Variants in TSHR observed in about 807,000 individuals in gnomAD.
TSHR encodes the protein thyrotropin receptor.
Under a neutral mutation model 64.1 loss-of-function variants are expected in TSHR, and 51 were observed. That is an observed-to-expected ratio of 0.80 (90% CI 0.64 to 1.01). TSHR has a LOEUF of 1.01. Among genes scored for constraint, TSHR ranks in the 50% least tolerant of loss-of-function variants. The probability of loss-of-function intolerance (pLI) is 0.00; values close to 1 mark genes in which losing one functional copy is unlikely to be tolerated. For missense variants in TSHR, 877 were observed against 942.8 expected (o/e 0.93, Z 0.91); for synonymous variants, 361 against 361.9 (o/e 1.00, Z 0.03).
intron 1 of TSHR, chr14:80,993,393 GA>G (rs1888845665): frequency 1.3e-5 from 2 of 151,970 alleles, no homozygotes; most frequent in Non-Finnish European, 2.9e-5. Context: ...TGATACTAGG[GA>G]AAATAATAAT....
At chr14:81,129,809 C>T (rs1891163935) in intron 8 of TSHR, among the ~76,000 whole-genome samples, 1 of 152,182 alleles carries the variant, frequency 6.6e-6, no homozygotes, top group East Asian at 1.9e-4. Context: ...AAGGCTGGCC[C>T]CTTCACCGGG....
intron 1 of TSHR, among the ~76,000 whole-genome samples, chr14:80,957,351 CTTG>C (rs1363407216): frequency 6.6e-6 from 1 of 151,916 alleles, no homozygotes; most frequent in Non-Finnish European, 1.5e-5. Flanking sequence ...TTTCTTGTAA[CTTG>C]TTATTTATTT....
Position 81,144,290 on chromosome 14 carries a change from C to T in TSHR, c.2232C>T (p.Asn744=). 7 of 1,614,140 alleles carry T rather than the reference C, an allele frequency of 4.3e-6. No homozygotes were observed. Among genetic ancestry groups the T allele is most frequent in the East Asian group, 2.2e-5 (1 of 44,886 alleles). Reference sequence around the variant, plus strand: ...AAGATGTCTATGAACTGATTGAAAACTCCCATCTAACCCCAAAGAAGCAAG... The same window carrying T: ...AAGATGTCTATGAACTGATTGAAAATTCCCATCTAACCCCAAAGAAGCAAG... ...NMEDVYELIE[N]SHLTPKKQGQ... Residue 744 remains asparagine, a synonymous_variant, in exon 10 of 10, where the codon AAC becomes AAT. Coordinates refer to ENST00000298171, the MANE Select transcript of TSHR (RefSeq NM_000369.5).
chr14:81,005,921 T>C (rs896636662), intron 1 of TSHR, among the ~76,000 whole-genome samples: 3 of 152,216 alleles, frequency 2.0e-5, no homozygotes, highest in African/African-American at 7.2e-5. Context: ...ATTCCACTGA[T>C]ATGATACTAA....
chr14:81,077,136 T>C (rs1887563006), intron 3 of TSHR, among the ~76,000 whole-genome samples: 1 of 152,146 alleles, frequency 6.6e-6, no homozygotes, highest in African/African-American at 2.4e-5. Context: ...CTAAGTTAGA[T>C]CCCCATTTGA....
At chr14:81,074,063 GT>G (rs945647514) in intron 3 of TSHR, among the ~76,000 whole-genome samples, 5 of 152,042 alleles carry the variant, frequency 3.3e-5, no homozygotes, top group African/African-American at 1.2e-4. Context: ...TTATTTATAA[GT>G]TTTTTTAAGT....
At chr14:81,109,037 T>G (rs1890101948) in intron 8 of TSHR, 1 of 1,168,526 alleles carries the variant, frequency 8.6e-7, no homozygotes, top group African/African-American at 1.6e-5. Context: ...AGCCTCTGTA[T>G]CATTGCCACC....
chr14:81,064,578 T>C (rs1425703098), intron 2 of TSHR, among the ~76,000 whole-genome samples: 4 of 152,106 alleles, frequency 2.6e-5, no homozygotes, highest in Admixed American at 2.0e-4. Flanking sequence ...CAAAGATCCA[T>C]GTCCCCATGG....
At chr14:81,063,353 A>G (rs924751245) in intron 2 of TSHR, among the ~76,000 whole-genome samples, 1 of 151,462 alleles carries the variant, frequency 6.6e-6, no homozygotes, top group African/African-American at 2.4e-5. Context: ...TCTATACCCC[A>G]CTCTCCTTGA....
intron 1 of TSHR, among the ~76,000 whole-genome samples, chr14:80,966,913 A>C (rs878903319): frequency 6.6e-6 from 1 of 151,966 alleles, no homozygotes; most frequent in Non-Finnish European, 1.5e-5. Context: ...AGCCAAGCTC[A>C]CCTCTCTTGT....
intron 1 of TSHR, among the ~76,000 whole-genome samples, chr14:81,026,790 C>T (rs1393595080): frequency 6.6e-6 from 1 of 152,158 alleles, no homozygotes; most frequent in Non-Finnish European, 1.5e-5. Flanking sequence ...AATCCCAGCA[C>T]TTTGGAAGGT....
intron 1 of TSHR, chr14:81,001,750 A>G: frequency 2.6e-6 from 1 of 383,246 alleles, no homozygotes; most frequent in Non-Finnish European, 5.2e-6. Flanking sequence ...GAAATTCTTG[A>G]TTTGCCTGAT....
chr14:81,135,892 G>A (rs1566831704), intron 8 of TSHR, among the ~76,000 whole-genome samples: 1 of 152,184 alleles, frequency 6.6e-6, no homozygotes. Context: ...AAAGAAAAAA[G>A]GCAGTTGTTC....
intron 1 of TSHR, chr14:80,993,742 GC>G (rs941713568): frequency 3.3e-5 from 5 of 151,926 alleles, no homozygotes; most frequent in African/African-American, 1.2e-4. Flanking sequence ...CTTAACATCT[GC>G]CTCAAATACC....
chr14:81,042,924 G>A (rs112350178), intron 1 of TSHR, among the ~76,000 whole-genome samples: 9 of 152,056 alleles, frequency 5.9e-5, no homozygotes, highest in African/African-American at 2.2e-4. Flanking sequence ...CAATTATAAT[G>A]TGTCAGTAAA....
rs79622548 is a variant in TSHR, at chr14:81,112,266, A to C, written c.692+3814A>C. Among the ~76,000 whole-genome samples, 292 of 152,238 alleles carry C rather than the reference A, an allele frequency of 1.9e-3. 5 individuals carry two copies. In the East Asian group the frequency reaches 0.049, roughly 26 times the overall value. On this transcript the variant is annotated intron_variant, in intron 8 of 9. Coordinates refer to ENST00000298171, the MANE Select transcript of TSHR (RefSeq NM_000369.5). ...AAAGGAACTAAATATATCCTCAATA[A>C]TGTTAGACATTATTATGATTATTTT... is the stretch of plus-strand genomic sequence containing the variant.
chr14:81,048,200 T>C (rs560394477), intron 1 of TSHR, among the ~76,000 whole-genome samples: 16 of 152,268 alleles, frequency 1.1e-4, no homozygotes, highest in Admixed American at 5.9e-4. Context: ...ACTAAAGCTG[T>C]AATATCCTTT....
At chr14:81,077,840 G>T (rs1887610569) in intron 3 of TSHR, among the ~76,000 whole-genome samples, 1 of 151,750 alleles carries the variant, frequency 6.6e-6, no homozygotes, top group Admixed American at 6.6e-5. Flanking sequence ...TGGCTTTTTA[G>T]TCCTTTGCAA....
In TSHR at chr14:81,144,057, T is replaced by C. The variant is rs766640344; in HGVS notation, c.1999T>C (p.Tyr667His). Residue 667 changes from tyrosine to histidine, a missense_variant, in exon 10 of 10, where the codon TAT becomes CAT. Tyr to His is a moderately conservative substitution (Grantham distance 83, BLOSUM62 2). Transcript: ENST00000298171. ...SNSKILLVLF[Y>H]PLNSCANPFL... ...CTCCAAAATCTTGCTGGTACTCTTC[T>C]ATCCACTTAACTCCTGTGCCAATCC... 4 of 1,614,078 alleles carry C rather than the reference T, an allele frequency of 2.5e-6. No individual in the cohort carries two copies. Among genetic ancestry groups the C allele is most frequent in the Admixed American group, 3.3e-5 (2 of 60,004 alleles).
Sources: gnomAD v4.1 joint callset for allele counts (sites outside exome capture counted in the v4.1 genomes callset) on GRCh38, gnomAD v4.1.1 for gene constraint, MANE v1.5 for transcripts, NCBI Gene and HGNC (gene_info 2026-07-23, HGNC 2026-07-21) for gene names.